Variants in TTC39C observed in about 807,000 individuals in gnomAD.
TTC39C encodes the protein tetratricopeptide repeat protein 39C.
TTC39C carries 33 observed loss-of-function variants against 76.3 expected under a neutral mutation model. That is an observed-to-expected ratio of 0.43 (90% CI 0.33 to 0.58). TTC39C has a LOEUF of 0.58. TTC39C is among the 20% of genes least tolerant of loss of function. The pLI is 0.04. For missense variants in TTC39C, 595 were observed against 701.4 expected (o/e 0.85, Z 1.71); for synonymous variants, 254 against 260.6 (o/e 0.97, Z 0.24).
chr18:24,128,030 C>T (rs1422943792), intron 10 of TTC39C, among the ~76,000 whole-genome samples: 1 of 151,596 alleles, frequency 6.6e-6, no homozygotes, highest in Non-Finnish European at 1.5e-5. Context: ...CAGCACGGTC[C>T]TCCTCCCTGC....
chr18:24,098,546 C>CCCTCT (rs1246937329), intron 6 of TTC39C, among the ~76,000 whole-genome samples: 1,553 of 69,170 alleles, frequency 0.022, 37 homozygotes, highest in Non-Finnish European at 0.036. Flanking sequence ...CCCTCCCCTC[C>CCCTCT]CCTCTCCTCT....
intron 8 of TTC39C, 39 bp downstream of exon 8, chr18:24,118,271 C>T (rs996401047): frequency 5.2e-6 from 8 of 1,532,856 alleles, no homozygotes; most frequent in Admixed American, 1.7e-5. Flanking sequence ...CTCTCTCTGT[C>T]GTGAATTAGC....
chr18:24,000,469 A>G (rs988915188), intron 1 of TTC39C: 3 of 152,324 alleles, frequency 2.0e-5, no homozygotes, highest in Admixed American at 1.3e-4. Flanking sequence ...TTGATTTTGG[A>G]CTTTAGTCCT....
chr18:24,024,673 A>G (rs2145663499), intron 1 of TTC39C, among the ~76,000 whole-genome samples: 1 of 152,280 alleles, frequency 6.6e-6, no homozygotes, highest in Non-Finnish European at 1.5e-5. Flanking sequence ...AGTGTCTCAG[A>G]AAACATATCT....
At chr18:24,021,039 A>G (rs548852619) in intron 1 of TTC39C, among the ~76,000 whole-genome samples, 1 of 152,268 alleles carries the variant, frequency 6.6e-6, no homozygotes, top group Non-Finnish European at 1.5e-5. Flanking sequence ...TTCCTGAAAT[A>G]TCATTTTTGC....
intron 1 of TTC39C, among the ~76,000 whole-genome samples, chr18:24,042,854 G>GT (rs1027981185): frequency 6.6e-6 from 1 of 152,156 alleles, no homozygotes; most frequent in African/African-American, 2.4e-5. Context: ...GGGTCCCGGG[G>GT]TTTTTTCAAT....
In TTC39C at chr18:24,132,563, G is replaced by C. The variant is rs767706870; in HGVS notation, c.1741G>C (p.Val581Leu). Residue 581 changes from valine to leucine, a missense_variant, in exon 14 of 14, where the codon GTT becomes CTT. Val to Leu is a conservative substitution (Grantham distance 32). Transcript: ENST00000317571. ...HAALASLREL[V>L]PQ ...TGCTCTGGCCTCTCTGAGGGAATTGGTTCCTCAGTGACAGACCCGGAACAC... is the reference window on the plus strand; with the variant it reads ...TGCTCTGGCCTCTCTGAGGGAATTGCTTCCTCAGTGACAGACCCGGAACAC... 3 of 1,613,480 alleles carry C rather than the reference G, an allele frequency of 1.9e-6. No individual in the cohort carries two copies. The East Asian group carries it at 6.7e-5, about 36-fold the overall frequency.
In TTC39C at chr18:24,114,627, A is replaced by C; in HGVS notation, c.1058A>C (p.His353Pro). The change falls in exon 7 of 14, where the codon CAT (histidine) becomes CCT (proline). Residue 353 changes from histidine to proline, a missense_variant. Transcript: ENST00000317571. ...GCAGTAGACCAGAGAGAAATTCAAC[A>C]TGTCTGTCTGTATGAAATTGGTAAA... ...ELAVDQREIQHVCLYEIGWCS... is the reference protein window; with the variant it reads ...ELAVDQREIQPVCLYEIGWCS... 6.2e-7 allele frequency: 1 copy of C among 1,613,562 alleles called. No homozygotes were observed. The highest frequency in any genetic ancestry group is 8.5e-7 in the Non-Finnish European group (1 of 1,179,590).
At chr18:24,064,059 T>A in intron 1 of TTC39C, 81 bp from the exon 2 acceptor site, 1 of 1,573,636 alleles carries the variant, frequency 6.4e-7, no homozygotes, top group Non-Finnish European at 8.7e-7. Context: ...ATGGTAATCA[T>A]GATATGTCAA....
intron 6 of TTC39C, among the ~76,000 whole-genome samples, chr18:24,104,688 TTGTGTGTGTGTG>T (rs10661950): frequency 3.5e-5 from 5 of 144,738 alleles, no homozygotes; most frequent in South Asian, 4.5e-4. Context: ...AGCAGGGTGT[TTGTGTGTGTGTG>T]TGTGTGTGTG....
At chr18:24,059,084 T>C (rs2084055727) in intron 1 of TTC39C, among the ~76,000 whole-genome samples, 2 of 152,232 alleles carry the variant, frequency 1.3e-5, no homozygotes, top group African/African-American at 4.8e-5. Context: ...CAATCTCTTA[T>C]GACTGAAAAG....
intron 1 of TTC39C, among the ~76,000 whole-genome samples, chr18:24,049,716 G>A (rs2083925973): frequency 6.6e-6 from 1 of 152,220 alleles, no homozygotes; most frequent in South Asian, 2.1e-4. Context: ...CAGGAGGTCA[G>A]TGGCCCAGGC....
At chr18:24,009,399 C>T (rs1409521725) in intron 1 of TTC39C, among the ~76,000 whole-genome samples, 3 of 152,136 alleles carry the variant, frequency 2.0e-5, no homozygotes, top group African/African-American at 4.8e-5. Context: ...CTCTGCAGAA[C>T]AAGTCAGTAG....
chr18:24,125,464 T>C lies in TTC39C; in HGVS notation c.1334T>C (p.Leu445Pro), dbSNP rs919195708. Residue 445 changes from leucine to proline, a missense_variant, in exon 10 of 14, where the codon CTC (leucine) becomes CCC (proline). Leu to Pro is a moderately conservative substitution (Grantham distance 98). Transcript: ENST00000317571. ...RFRKQTPTKA[L>P]CVLASIEVLY... ...CGGAAGCAAACCCCAACCAAAGCGCTCTGTGTGTTGGCGTCTATTGAAGTG... is the reference window on the plus strand; with the variant it reads ...CGGAAGCAAACCCCAACCAAAGCGCCCTGTGTGTTGGCGTCTATTGAAGTG... 6.2e-7 allele frequency: 1 copy of C among 1,614,192 alleles called. No homozygotes were observed. The highest frequency in any genetic ancestry group is 2.2e-5 in the East Asian group (1 of 44,882).
chr18:23,996,833 G>A (rs2083264816), intron 1 of TTC39C, among the ~76,000 whole-genome samples: 2 of 152,232 alleles, frequency 1.3e-5, no homozygotes, highest in African/African-American at 4.8e-5. Flanking sequence ...CAGTTGGCCG[G>A]GCACAGTGGC....
intron 1 of TTC39C, among the ~76,000 whole-genome samples, chr18:24,005,563 T>C (rs1293687235): frequency 6.6e-6 from 1 of 151,922 alleles, no homozygotes; most frequent in African/African-American, 2.4e-5. Flanking sequence ...GTATACAATC[T>C]GGCCAGGCAA....
At chr18:24,062,837 A>G (rs1271031342) in intron 1 of TTC39C, among the ~76,000 whole-genome samples, 1 of 152,206 alleles carries the variant, frequency 6.6e-6, no homozygotes, top group African/African-American at 2.4e-5. Flanking sequence ...CAGTAACACT[A>G]CCTCTAGCAT....
chr18:24,105,922 C>T (rs2084740548), intron 6 of TTC39C, among the ~76,000 whole-genome samples: 1 of 152,200 alleles, frequency 6.6e-6, no homozygotes, highest in African/African-American at 2.4e-5. Flanking sequence ...CTCCTGGCTT[C>T]TGCGGCTTGC....
intron 1 of TTC39C, among the ~76,000 whole-genome samples, chr18:24,002,039 G>T (rs762824111): frequency 7.9e-5 from 12 of 152,044 alleles, no homozygotes; most frequent in African/African-American, 2.9e-4. Context: ...CTGTTTTGTC[G>T]TTGCTTACTT....
Sources: gnomAD v4.1 joint callset for allele counts (sites outside exome capture counted in the v4.1 genomes callset) on GRCh38, gnomAD v4.1.1 for gene constraint, MANE v1.5 for transcripts, NCBI Gene and HGNC (gene_info 2026-07-23, HGNC 2026-07-21) for gene names.